FAM135B: variants seen among roughly 807,000 people sequenced by gnomAD.
FAM135B encodes the protein protein FAM135B.
FAM135B carries 43 observed loss-of-function variants against 127.7 expected under a neutral mutation model. The ratio of observed to expected loss-of-function variants is 0.34; its 90% CI spans 0.26 to 0.43. The LOEUF is 0.43. FAM135B is among the 20% of genes least tolerant of loss of function. FAM135B has a pLI of 1.00. For synonymous variants in FAM135B, 670 were observed against 665.1 expected (o/e 1.01, Z -0.11); for missense variants, 1,558 against 1,725.6 (o/e 0.90, Z 1.72).
At chr8:138,173,835 C>A (rs1466359290) in intron 11 of FAM135B, among the ~76,000 whole-genome samples, 1 of 152,204 alleles carries the variant, frequency 6.6e-6, no homozygotes, top group East Asian at 1.9e-4. Context: ...CTTCCACATT[C>A]ATTCCTCAGC....
chr8:138,403,435 A>T (rs1387880265), intron 1 of FAM135B, among the ~76,000 whole-genome samples: 1 of 152,170 alleles, frequency 6.6e-6, no homozygotes, highest in Non-Finnish European at 1.5e-5. Context: ...AGGTCACCAA[A>T]TTGTTGATTC....
intron 9 of FAM135B, among the ~76,000 whole-genome samples, chr8:138,185,330 T>G (rs7000273): frequency 0.018 from 2,709 of 152,150 alleles, 67 homozygotes; most frequent in African/African-American, 0.061. Flanking sequence ...TGTCCCGGAG[T>G]GCCTCTTATG....
At chr8:138,258,266 C>T (rs1267217566) in intron 4 of FAM135B, among the ~76,000 whole-genome samples, 1 of 152,174 alleles carries the variant, frequency 6.6e-6, no homozygotes, top group Non-Finnish European at 1.5e-5. Context: ...GGATGGAAAT[C>T]TCTTAACCAA....
rs541161331 is a variant in FAM135B, at chr8:138,366,558, C to A, written c.77+1349G>T. 2.8e-4 allele frequency among the ~76,000 whole-genome samples: 43 copies of A among 152,290 alleles called. No individual in the cohort carries two copies. In the South Asian group the frequency reaches 6.8e-3, roughly 24 times the overall value. ...AAACCCCTCCTCATATGCCTCCTTC[C>A]CTGAAACAGAAAGCTGATCTCAGAA... is the stretch of plus-strand genomic sequence containing the variant. On this transcript the variant is annotated intron_variant, in intron 2 of 19. Coordinates refer to ENST00000395297, the MANE Select transcript of FAM135B (RefSeq NM_015912.4).
chr8:138,265,738 C>A lies in FAM135B; in HGVS notation c.262G>T (p.Val88Phe). The change falls in exon 4 of 20, where the codon GTC becomes TTC. Residue 88 changes from valine (V) to phenylalanine (F), a missense_variant. Physicochemically the swap from Val to Phe is conservative, Grantham distance 50 (BLOSUM62 -1). Coordinates refer to ENST00000395297, the MANE Select transcript of FAM135B (RefSeq NM_015912.4). ...NEEVPINDAV[V>F]FRVHLLLGGE... ...CCCAAGAGTAAATGAACTCGGAAGA[C>A]CACAGCATCATTTATGGGTACCTCT... 1 of 1,614,082 alleles carries A rather than the reference C, an allele frequency of 6.2e-7. No homozygotes were observed. Among genetic ancestry groups the A allele is most frequent in the Non-Finnish European group, 8.5e-7 (1 of 1,180,002 alleles).
intron 14 of FAM135B, 150 bp from the exon 15 acceptor site, chr8:138,146,200 G>C: frequency 3.5e-6 from 2 of 574,040 alleles, no homozygotes; most frequent in South Asian, 4.8e-5. Flanking sequence ...AACTAAAACA[G>C]CTAGAAACCC....
At chr8:138,418,942 C>T (rs1259591099) in intron 1 of FAM135B, among the ~76,000 whole-genome samples, 1 of 146,500 alleles carries the variant, frequency 6.8e-6, no homozygotes, top group Admixed American at 6.8e-5. Flanking sequence ...AACAACTACA[C>T]AATAAAGTCT....
At position 138,386,835 on chromosome 8, in the gene FAM135B, C is replaced by T. The variant is rs149318691; in HGVS notation, c.-19-18833G>A. Among the ~76,000 whole-genome samples, 837 of 152,226 alleles carry T rather than the reference C, an allele frequency of 5.5e-3. 2 individuals are homozygous for T. Among genetic ancestry groups the T allele is most frequent in the Middle Eastern group, 0.027 (8 of 294 alleles). On this transcript the variant is annotated intron_variant, in intron 1 of 19. Transcript: ENST00000395297. ...AATGAAAGGCCAAGCATGTGTCAACCGCCAAACTGGGTGTTAGGGAGACAG... is the reference window on the plus strand; with the variant it reads ...AATGAAAGGCCAAGCATGTGTCAACTGCCAAACTGGGTGTTAGGGAGACAG...
intron 1 of FAM135B, among the ~76,000 whole-genome samples, chr8:138,430,462 C>G (rs1009313960): frequency 2.0e-5 from 3 of 152,156 alleles, no homozygotes; most frequent in Admixed American, 2.0e-4. Flanking sequence ...AGATGGGCAC[C>G]TCCACATCCA....
chr8:138,251,967 C>T (rs186208979), intron 5 of FAM135B, among the ~76,000 whole-genome samples: 1 of 152,098 alleles, frequency 6.6e-6, no homozygotes, highest in African/African-American at 2.4e-5. Flanking sequence ...CTCTTAAGAC[C>T]CAACACCATA....
chr8:138,420,185 G>GA (rs796504359), intron 1 of FAM135B, among the ~76,000 whole-genome samples: 6 of 123,200 alleles, frequency 4.9e-5, no homozygotes, highest in African/African-American at 1.9e-4. Context: ...CAGGAATACA[G>GA]AAAAAAAGAA....
intron 9 of FAM135B, among the ~76,000 whole-genome samples, chr8:138,185,737 C>A (rs6980948): frequency 0.017 from 2,639 of 152,286 alleles, 65 homozygotes; most frequent in African/African-American, 0.06. Context: ...TAGAAAACCT[C>A]CGTTGCTGTA....
At chr8:138,197,405 C>G in intron 8 of FAM135B, 111 bp downstream of exon 8, 1 of 1,329,950 alleles carries the variant, frequency 7.5e-7, no homozygotes, top group Admixed American at 2.4e-5. Flanking sequence ...CCTACCTGGA[C>G]CAGGGTTATT....
At chr8:138,142,988 T>C (rs1327018740) in intron 16 of FAM135B, 24 bp downstream of exon 16, 1 of 1,279,288 alleles carries the variant, frequency 7.8e-7, no homozygotes, top group East Asian at 2.3e-5. Context: ...CCCCCAGCAT[T>C]AACTACCTGT....
chr8:138,431,361 TAAAG>T (rs1487254138), intron 1 of FAM135B, among the ~76,000 whole-genome samples: 2 of 152,140 alleles, frequency 1.3e-5, no homozygotes, highest in Non-Finnish European at 2.9e-5. Flanking sequence ...TGAATCAGGT[TAAAG>T]AAAGAGAGAA....
At chr8:138,439,288 T>G (rs1835631588) in intron 1 of FAM135B, 1 of 152,196 alleles carries the variant, frequency 6.6e-6, no homozygotes, top group Non-Finnish European at 1.5e-5. Flanking sequence ...GTGGTCAATA[T>G]GAGAGAATCA....
intron 14 of FAM135B, 66 bp from the exon 15 acceptor site, chr8:138,146,116 G>A: frequency 2.5e-6 from 2 of 794,066 alleles, no homozygotes; most frequent in Admixed American, 2.4e-5. Flanking sequence ...GACACACGAG[G>A]AATTTCTTTC....
intron 1 of FAM135B, among the ~76,000 whole-genome samples, chr8:138,460,221 C>T (rs1837043966): frequency 1.3e-5 from 2 of 152,172 alleles, no homozygotes; most frequent in Admixed American, 6.5e-5. Context: ...GACGCTGAGG[C>T]ACAGGTAAGG....
intron 3 of FAM135B, among the ~76,000 whole-genome samples, chr8:138,290,727 T>C (rs534138857): frequency 6.6e-6 from 1 of 152,216 alleles, no homozygotes; most frequent in African/African-American, 2.4e-5. Flanking sequence ...AGGGATTTGG[T>C]TGCAAGGGTA....
Sources: allele counts gnomAD v4.1 joint callset (sites outside exome capture counted in the v4.1 genomes callset), GRCh38; gene constraint gnomAD v4.1.1; transcripts MANE v1.5; gene names NCBI Gene and HGNC (gene_info 2026-07-23, HGNC 2026-07-21).